Variants in CD2AP observed in about 807,000 individuals in gnomAD.
CD2AP encodes CD2-associated protein.
In CD2AP, 46 loss-of-function variants were observed where a neutral mutation model predicts 85.1. That is an observed-to-expected ratio of 0.54 (90% confidence interval 0.43 to 0.69). The LOEUF (loss-of-function observed/expected upper bound fraction) is 0.69, where lower values mean the gene tolerates loss of function less well. CD2AP is among the 30% of genes least tolerant of loss of function. The probability of loss-of-function intolerance (pLI) is 0.00; values close to 1 mark genes in which losing one functional copy is unlikely to be tolerated. For synonymous variants in CD2AP, 255 were observed against 252.9 expected, an observed-to-expected ratio of 1.01 and a Z score of -0.08; for missense variants, 769 against 729.5, an observed-to-expected ratio of 1.05 and a Z score of -0.62.
Position 47,533,801 on chromosome 6 carries a change from G to A in CD2AP, c.319+46G>A, listed in dbSNP as rs780955376. The A allele has an allele frequency of 6.3e-6, 10 of 1,580,878 alleles. No homozygotes were observed. In the South Asian group the frequency reaches 9.0e-5, roughly 14 times the overall value. On this transcript the variant is annotated intron_variant, in intron 3 of 17. Transcript: ENST00000359314. ...CTGCATAATTACATCAAAATAGAAGGATATTTTATAACTGTGTCTAAATTA... is the reference window on the plus strand; with the variant it reads ...CTGCATAATTACATCAAAATAGAAGAATATTTTATAACTGTGTCTAAATTA...
At chr6:47,601,438 C>T (rs1769129281) in intron 13 of CD2AP, among the ~76,000 whole-genome samples, 1 of 151,902 alleles carries the variant, frequency 6.6e-6, no homozygotes, top group Admixed American at 6.6e-5. Flanking sequence ...TATACTTAGG[C>T]CCTGTAAAGT....
At chr6:47,505,455 G>T (rs1202915712) in intron 2 of CD2AP, among the ~76,000 whole-genome samples, 1 of 150,810 alleles carries the variant, frequency 6.6e-6, no homozygotes, top group African/African-American at 2.4e-5. Context: ...GCAACCATCC[G>T]ATTTCTCAAT....
At chr6:47,621,307 A>AT in intron 17 of CD2AP, among the ~76,000 whole-genome samples, 1 of 152,032 alleles carries the variant, frequency 6.6e-6, no homozygotes. Flanking sequence ...ATGATATGTG[A>AT]TTTTTGTTTT....
chr6:47,563,294 G>A (rs922601395), intron 5 of CD2AP, among the ~76,000 whole-genome samples: 1 of 152,124 alleles, frequency 6.6e-6, no homozygotes, highest in Non-Finnish European at 1.5e-5. Context: ...ACTTTAGGTA[G>A]GTATAGAAAA....
In CD2AP at chr6:47,596,166, G is replaced by A. The variant is rs966255896; in HGVS notation, c.1274+140G>A. ...ATTTTTAAAATTGACATATACAATTGTGTGTATTTATTGTATACAACATGA... is the reference window on the plus strand; with the variant it reads ...ATTTTTAAAATTGACATATACAATTATGTGTATTTATTGTATACAACATGA... On this transcript the variant is annotated intron_variant, in intron 12 of 17. Transcript: ENST00000359314. 5.8e-6 allele frequency: 4 copies of A among 684,188 alleles called. No individual in the cohort carries two copies. The African/African-American group carries it at 7.3e-5, about 12-fold the overall frequency. The allele number at this position is 684,188 out of a possible 1,614,324, so 42.4% of individuals were successfully genotyped here.
chr6:47,603,408 A>G (rs1440134821), intron 13 of CD2AP, among the ~76,000 whole-genome samples: 1 of 152,082 alleles, frequency 6.6e-6, no homozygotes, highest in Non-Finnish European at 1.5e-5. Context: ...TGATTTAGTT[A>G]TAACTACATT....
intron 6 of CD2AP, among the ~76,000 whole-genome samples, chr6:47,575,491 C>T (rs1768283538): frequency 6.6e-6 from 1 of 152,154 alleles, no homozygotes; most frequent in Non-Finnish European, 1.5e-5. Flanking sequence ...GCTTTGATCA[C>T]TGATCCAGGA....
chr6:47,479,577 T>G (rs1191948600), intron 1 of CD2AP, among the ~76,000 whole-genome samples: 1 of 152,242 alleles, frequency 6.6e-6, no homozygotes, highest in African/African-American at 2.4e-5. Flanking sequence ...TTATAATTGA[T>G]TAGTTGAGCT....
chr6:47,622,640 G>C (rs1260597387), intron 17 of CD2AP, among the ~76,000 whole-genome samples: 1 of 152,206 alleles, frequency 6.6e-6, no homozygotes, highest in East Asian at 1.9e-4. Flanking sequence ...GTTCGGGAGA[G>C]GAGGGTCTCC....
chr6:47,612,322 A>C, intron 16 of CD2AP, 151 bp from the exon 17 acceptor site: 1 of 619,308 alleles, frequency 1.6e-6, no homozygotes, highest in East Asian at 2.8e-5. Context: ...TTCTAACTAG[A>C]GAATCTTACA....
intron 1 of CD2AP, among the ~76,000 whole-genome samples, chr6:47,500,964 G>T (rs1765982983): frequency 6.6e-6 from 1 of 152,126 alleles, no homozygotes; most frequent in South Asian, 2.1e-4. Flanking sequence ...AGCCAGGATG[G>T]TCTTGATCTC....
intron 2 of CD2AP, among the ~76,000 whole-genome samples, chr6:47,517,012 G>A (rs186752964): frequency 1.2e-3 from 176 of 152,262 alleles, no homozygotes; most frequent in Non-Finnish European, 2.2e-3. Context: ...GGCCTGGTGG[G>A]AGGTGATTGA....
intron 5 of CD2AP, among the ~76,000 whole-genome samples, chr6:47,555,802 T>C (rs1335287173): frequency 7.2e-6 from 1 of 139,440 alleles, no homozygotes; most frequent in Non-Finnish European, 1.6e-5. Flanking sequence ...AAAACAGGAA[T>C]AATTTTTTTT....
intron 2 of CD2AP, among the ~76,000 whole-genome samples, chr6:47,512,755 C>T (rs1306975432): frequency 6.6e-6 from 1 of 152,206 alleles, no homozygotes; most frequent in East Asian, 1.9e-4. Context: ...GTTCTCATCA[C>T]CTCCTTCTCA....
Position 47,531,561 on chromosome 6 carries a change from C to A in CD2AP, c.166-2041C>A, listed in dbSNP as rs1766876570. On this transcript the variant is annotated intron_variant, in intron 2 of 17. Coordinates refer to ENST00000359314, the MANE Select transcript of CD2AP (RefSeq NM_012120.3). ...GTGCATACCTTAAATAAACAATCCT[C>A]CTGTTCTCCATATTGGTCTCTCTGG... Among the ~76,000 whole-genome samples, 5 of 150,846 alleles carry A rather than the reference C, an allele frequency of 3.3e-5. No individual in the cohort carries two copies. The South Asian group carries it at 1.1e-3, about 32-fold the overall frequency.
intron 3 of CD2AP, among the ~76,000 whole-genome samples, chr6:47,541,387 G>C (rs1041350403): frequency 1.3e-5 from 2 of 152,168 alleles, no homozygotes; most frequent in African/African-American, 4.8e-5. Flanking sequence ...GCCTCCCAAA[G>C]TGCTGGGATT....
intron 2 of CD2AP, among the ~76,000 whole-genome samples, chr6:47,512,198 C>T (rs750482949): frequency 6.7e-6 from 1 of 149,722 alleles, no homozygotes; most frequent in Non-Finnish European, 1.5e-5. Context: ...AAAAATTCGC[C>T]GGGAGTGGTG....
chr6:47,516,408 A>T (rs867914576), intron 2 of CD2AP, among the ~76,000 whole-genome samples: 1 of 152,256 alleles, frequency 6.6e-6, no homozygotes, highest in Non-Finnish European at 1.5e-5. Context: ...TCATTGGCCC[A>T]TAGCAATGAT....
chr6:47,517,298 T>C (rs1766474840), intron 2 of CD2AP, among the ~76,000 whole-genome samples: 1 of 151,900 alleles, frequency 6.6e-6, no homozygotes, highest in South Asian at 2.1e-4. Context: ...TTTTTTTTTT[T>C]TGGAGGCGGT....
Sources: allele counts gnomAD v4.1 joint callset (sites outside exome capture counted in the v4.1 genomes callset), GRCh38; gene constraint gnomAD v4.1.1; transcripts MANE v1.5; gene names NCBI Gene and HGNC (gene_info 2026-07-23, HGNC 2026-07-21).